PARN: variants seen among roughly 807,000 people sequenced by gnomAD.
PARN encodes poly(A)-specific ribonuclease.
Under a neutral mutation model 102.8 loss-of-function variants are expected in PARN, and 71 were observed. The ratio of observed to expected loss-of-function variants is 0.69; its 90% CI spans 0.57 to 0.84. The LOEUF (loss-of-function observed/expected upper bound fraction) is 0.84, where lower values mean the gene tolerates loss of function less well. Ranked by LOEUF, PARN falls within the 40% of genes least tolerant of loss-of-function variation. The pLI, the probability that PARN is intolerant of heterozygous loss-of-function variation, is 0.00. For synonymous variants in PARN, 261 were observed against 252.9 expected (o/e 1.03, Z -0.30); for missense variants, 782 against 760.9 (o/e 1.03, Z -0.33).
At chr16:14,627,774 C>T (rs1972767332) in intron 3 of PARN, among the ~76,000 whole-genome samples, 3 of 152,072 alleles carry the variant, frequency 2.0e-5, no homozygotes, top group Admixed American at 6.6e-5. Flanking sequence ...GATCATTTGA[C>T]GCCAGAAGTT....
chr16:14,532,941 G>A (rs1966430824), intron 21 of PARN, among the ~76,000 whole-genome samples: 1 of 151,998 alleles, frequency 6.6e-6, no homozygotes, highest in South Asian at 2.1e-4. Context: ...CAGGCAGAGG[G>A]GCTCCTCACG....
chr16:14,478,310 A>G (rs556056548), intron 22 of PARN, among the ~76,000 whole-genome samples: 2 of 152,292 alleles, frequency 1.3e-5, no homozygotes, highest in South Asian at 4.1e-4. Context: ...ACCCTGTCTC[A>G]GAAATATTAA....
intron 5 of PARN, among the ~76,000 whole-genome samples, chr16:14,619,493 A>G (rs1371988099): frequency 1.3e-5 from 2 of 151,150 alleles, no homozygotes; most frequent in African/African-American, 4.9e-5. Context: ...GGCTGGGTGC[A>G]GTGGCTCACA....
intron 12 of PARN, 40 bp from the exon 13 acceptor site, chr16:14,593,418 G>C (rs767984663): frequency 1.3e-6 from 1 of 775,880 alleles, no homozygotes; most frequent in Non-Finnish European, 2.0e-6. Flanking sequence ...TTCTACATTC[G>C]AAATTATACT....
chr16:14,612,527 T>C (rs553247469), intron 6 of PARN, among the ~76,000 whole-genome samples: 3 of 152,220 alleles, frequency 2.0e-5, no homozygotes, highest in Non-Finnish European at 4.4e-5. Flanking sequence ...GTGAAGACAA[T>C]GAGGGGAAAA....
intron 13 of PARN, among the ~76,000 whole-genome samples, chr16:14,588,406 G>T (rs1387231146): frequency 6.6e-6 from 1 of 152,222 alleles, no homozygotes; most frequent in Non-Finnish European, 1.5e-5. Flanking sequence ...AGCAGGGTCA[G>T]TGACAGGAAC....
rs543879455 is a variant in PARN, at chr16:14,582,057, A to G, written c.1192+124T>C. The G allele has an allele frequency of 1.1e-5, 8 of 730,354 alleles. No individual in the cohort carries two copies. In the African/African-American group the frequency reaches 1.2e-4, roughly 11 times the overall value. The allele number at this position is 730,354 out of a possible 1,614,324, so 45.2% of individuals were successfully genotyped here. On this transcript the variant is annotated intron_variant, in intron 17 of 23. Coordinates refer to ENST00000437198, the MANE Select transcript of PARN (RefSeq NM_002582.4). ...GACTTTCCAGCCTCCTGAACATGAGAAATAAATGTCTGTTGTTTAAGCCCC... is the reference window on the plus strand; with the variant it reads ...GACTTTCCAGCCTCCTGAACATGAGGAATAAATGTCTGTTGTTTAAGCCCC...
At chr16:14,588,453 G>A (rs1363097990) in intron 13 of PARN, among the ~76,000 whole-genome samples, 3 of 152,148 alleles carry the variant, frequency 2.0e-5, no homozygotes, top group Non-Finnish European at 4.4e-5. Flanking sequence ...ACTGGCAGTC[G>A]GGAGATACTT....
rs1003905768 is a variant in PARN at position 14,610,872 on chromosome 16, ACAAAC to A, written c.389-68_389-64del. The A allele has an allele frequency of 6.6e-5, 77 of 1,163,500 alleles. 1 individual carries two copies. The East Asian group carries it at 1.4e-3, about 21-fold the overall frequency. The allele number at this position is 1,163,500 out of a possible 1,614,324, so 72.1% of individuals were successfully genotyped here. On this transcript the variant is annotated intron_variant, in intron 6 of 23. Transcript: ENST00000437198. Reference sequence around the variant, plus strand: ...AACTGTCTAACATAAAATTTGTTTAACAAACCAAAGAGTCTAAATTACTCAGGAAA... The same window carrying A: ...AACTGTCTAACATAAAATTTGTTTAACAAAGAGTCTAAATTACTCAGGAAA...
At chr16:14,506,389 T>G (rs530485705) in intron 21 of PARN, among the ~76,000 whole-genome samples, 7 of 152,224 alleles carry the variant, frequency 4.6e-5, no homozygotes, top group Non-Finnish European at 1.0e-4. Context: ...TTGGGGAAAT[T>G]TGATTACAGC....
At chr16:14,445,090 A>T (rs2151554600) in intron 23 of PARN, among the ~76,000 whole-genome samples, 1 of 145,992 alleles carries the variant, frequency 6.8e-6, no homozygotes, top group South Asian at 2.2e-4. Flanking sequence ...AGCTTCCCAG[A>T]GTGGTGGGAT....
intron 21 of PARN, among the ~76,000 whole-genome samples, chr16:14,519,156 T>C (rs1337843769): frequency 6.6e-6 from 1 of 151,516 alleles, no homozygotes; most frequent in Non-Finnish European, 1.5e-5. Flanking sequence ...AACGTATATA[T>C]TTAGGACAAA....
chr16:14,442,326 T>C (rs774753835), intron 23 of PARN, among the ~76,000 whole-genome samples: 23 of 152,196 alleles, frequency 1.5e-4, no homozygotes, highest in Non-Finnish European at 3.1e-4. Context: ...CCACACTTCC[T>C]GAAGACATTT....
At chr16:14,615,416 C>G (rs1308039113) in intron 6 of PARN, among the ~76,000 whole-genome samples, 1 of 151,836 alleles carries the variant, frequency 6.6e-6, no homozygotes, top group Non-Finnish European at 1.5e-5. Context: ...GCATTTGGAA[C>G]TTATATTTTA....
chr16:14,559,364 AAAGT>A (rs1161557572), intron 18 of PARN, among the ~76,000 whole-genome samples: 1 of 152,014 alleles, frequency 6.6e-6, no homozygotes, highest in Admixed American at 6.6e-5. Flanking sequence ...ATCTCTGATT[AAAGT>A]AAGCAAAAAT....
At chr16:14,464,318 T>C (rs752910076) in intron 22 of PARN, among the ~76,000 whole-genome samples, 5 of 151,980 alleles carry the variant, frequency 3.3e-5, no homozygotes, top group Non-Finnish European at 7.4e-5. Flanking sequence ...TTGTATTACA[T>C]ACAGAGAAAA....
chr16:14,614,900 T>C, intron 6 of PARN, among the ~76,000 whole-genome samples: 1 of 125,766 alleles, frequency 8.0e-6, no homozygotes, highest in East Asian at 2.2e-4. Context: ...AAAATTCAGG[T>C]GTCTGAAGGT....
chr16:14,487,530 T>C (rs1041476382), intron 21 of PARN, among the ~76,000 whole-genome samples: 8 of 152,236 alleles, frequency 5.3e-5, no homozygotes, highest in Non-Finnish European at 7.3e-5. Flanking sequence ...AATTGACTTA[T>C]AGATTTACTG....
At position 14,485,402 on chromosome 16, in the gene PARN, T is replaced by C. The variant is rs185239484; in HGVS notation, c.1481-2575A>G. Among the ~76,000 whole-genome samples the C allele has an allele frequency of 3.6e-3, 551 of 152,344 alleles. 1 individual carries two copies. Among genetic ancestry groups the C allele is most frequent in the African/African-American group, 0.013 (527 of 41,586 alleles). On this transcript the variant is annotated intron_variant, in intron 21 of 23. Transcript: ENST00000437198. ...TGTGGTAACTGCTTACTGAGTGTTTTTGTCCCAGGAACTATGTCAGGTATT... is the reference window on the plus strand; with the variant it reads ...TGTGGTAACTGCTTACTGAGTGTTTCTGTCCCAGGAACTATGTCAGGTATT...
Sources: allele counts gnomAD v4.1 joint callset (sites outside exome capture counted in the v4.1 genomes callset), GRCh38; gene constraint gnomAD v4.1.1; transcripts MANE v1.5; gene names NCBI Gene and HGNC (gene_info 2026-07-23, HGNC 2026-07-21).